VAMP4: variants seen among roughly 807,000 people sequenced by gnomAD.
VAMP4 encodes vesicle-associated membrane protein 4.
In VAMP4, 19 loss-of-function variants were observed where a neutral mutation model predicts 23.5. The observed-to-expected ratio is 0.81, with a 90% CI of 0.56 to 1.19. The LOEUF (loss-of-function observed/expected upper bound fraction) is 1.19. VAMP4 is among the 50% of genes most tolerant of loss of function. The probability of loss-of-function intolerance (pLI) is 0.00; values close to 1 mark genes in which losing one functional copy is unlikely to be tolerated. For missense variants in VAMP4, 145 were observed against 168.6 expected, an observed-to-expected ratio of 0.86 and a Z score of 0.78; for synonymous variants, 31 against 51.0, an observed-to-expected ratio of 0.61 and a Z score of 1.67.
At chr1:171,714,849 AT>A (rs1205233327) in intron 4 of VAMP4, among the ~76,000 whole-genome samples, 1 of 152,190 alleles carries the variant, frequency 6.6e-6, no homozygotes, top group African/African-American at 2.4e-5. Context: ...TAGAAAGATT[AT>A]ACTCCAGTAG....
intron 4 of VAMP4, among the ~76,000 whole-genome samples, chr1:171,716,006 A>G (rs1655014401): frequency 1.3e-5 from 2 of 152,178 alleles, no homozygotes; most frequent in African/African-American, 4.8e-5. Context: ...GTTTCAAAAA[A>G]CAAACAAAGC....
At chr1:171,708,337 CA>C (rs200077955) in intron 6 of VAMP4, among the ~76,000 whole-genome samples, 15,511 of 87,472 alleles carry the variant, frequency 0.18, 840 homozygotes, top group African/African-American at 0.27. Context: ...AAGAGTGCCA[CA>C]AAAAAAAAAA....
chr1:171,724,763 G>T (rs1572249285), intron 3 of VAMP4, among the ~76,000 whole-genome samples: 1 of 152,014 alleles, frequency 6.6e-6, no homozygotes, highest in Non-Finnish European at 1.5e-5. Context: ...ATAGCCAAAA[G>T]AACTTTCAAA....
chr1:171,707,749 G>T (rs1214042506), intron 6 of VAMP4, among the ~76,000 whole-genome samples: 1 of 152,028 alleles, frequency 6.6e-6, no homozygotes, highest in African/African-American at 2.4e-5. Flanking sequence ...AGGTTCTCAA[G>T]GTGATGACTA....
intron 4 of VAMP4, among the ~76,000 whole-genome samples, chr1:171,717,001 T>C (rs1655040503): frequency 6.6e-6 from 1 of 152,264 alleles, no homozygotes; most frequent in South Asian, 2.1e-4. Flanking sequence ...AATAGTGTAA[T>C]ACATAAATAT....
intron 3 of VAMP4, among the ~76,000 whole-genome samples, chr1:171,724,243 T>C (rs1320336212): frequency 6.7e-6 from 1 of 148,558 alleles, no homozygotes; most frequent in Non-Finnish European, 1.5e-5. Flanking sequence ...AAACACCGCA[T>C]GTTCTCACTC....
chr1:171,736,814 G>A (rs921954866), intron 2 of VAMP4, among the ~76,000 whole-genome samples: 3 of 151,868 alleles, frequency 2.0e-5, no homozygotes, highest in African/African-American at 4.8e-5. Flanking sequence ...CCATCTTTAC[G>A]AGAAAAACAA....
intron 2 of VAMP4, among the ~76,000 whole-genome samples, chr1:171,735,166 C>T (rs950534703): frequency 2.6e-5 from 4 of 152,164 alleles, no homozygotes; most frequent in African/African-American, 9.7e-5. Flanking sequence ...GTGTCCTTAA[C>T]AGTGATTCCA....
intron 3 of VAMP4, 51 bp from the exon 4 acceptor site, chr1:171,719,272 A>G: frequency 6.8e-7 from 1 of 1,462,914 alleles, no homozygotes; most frequent in Non-Finnish European, 9.4e-7. Flanking sequence ...GGATTAAAAC[A>G]AAACAAAAAA....
At chr1:171,722,542 C>T (rs1275194234) in intron 3 of VAMP4, among the ~76,000 whole-genome samples, 1 of 152,042 alleles carries the variant, frequency 6.6e-6, no homozygotes, top group Admixed American at 6.6e-5. Flanking sequence ...CTACAAAGAA[C>T]GTAAAGAAAT....
chr1:171,713,263 G>C (rs1015177045), intron 4 of VAMP4, among the ~76,000 whole-genome samples: 11 of 149,670 alleles, frequency 7.3e-5, no homozygotes, highest in African/African-American at 2.7e-4. Context: ...TGTTCATCAA[G>C]GATCAATTTT....
chr1:171,722,205 T>C (rs1034744487), intron 3 of VAMP4, among the ~76,000 whole-genome samples: 8 of 152,096 alleles, frequency 5.3e-5, no homozygotes, highest in African/African-American at 1.9e-4. Flanking sequence ...TAGCCATATG[T>C]AGAAAGCTGA....
intron 4 of VAMP4, among the ~76,000 whole-genome samples, chr1:171,712,746 G>C (rs887653144): frequency 1.3e-5 from 2 of 152,136 alleles, no homozygotes; most frequent in African/African-American, 4.8e-5. Context: ...TCCTATTTAA[G>C]AACAATGGCA....
chr1:171,706,696 G>A (rs1227934032), intron 6 of VAMP4, among the ~76,000 whole-genome samples: 1 of 152,096 alleles, frequency 6.6e-6, no homozygotes. Context: ...GAAAAAAAGT[G>A]CTATAAACTG....
At chr1:171,727,966 G>A (rs1035239899) in intron 3 of VAMP4, among the ~76,000 whole-genome samples, 2 of 152,178 alleles carry the variant, frequency 1.3e-5, no homozygotes, top group African/African-American at 2.4e-5. Context: ...CTTGCAGGGC[G>A]ACAGATGGTT....
intron 2 of VAMP4, among the ~76,000 whole-genome samples, chr1:171,733,634 G>A (rs897557828): frequency 3.3e-5 from 5 of 152,036 alleles, no homozygotes; most frequent in African/African-American, 4.8e-5. Flanking sequence ...AAGAATAATA[G>A]GACACAATGA....
chr1:171,709,890 AC>A, intron 5 of VAMP4, 146 bp from the exon 6 acceptor site: 1 of 614,056 alleles, frequency 1.6e-6, no homozygotes, highest in Non-Finnish European at 2.8e-6. Flanking sequence ...CCTTTTTTCC[AC>A]CCACAAACTC....
At chr1:171,714,341 C>CTA (rs1214923341) in intron 4 of VAMP4, among the ~76,000 whole-genome samples, 1 of 152,206 alleles carries the variant, frequency 6.6e-6, no homozygotes, top group African/African-American at 2.4e-5. Context: ...CATTGTTATA[C>CTA]TATAAATGCC....
intron 2 of VAMP4, among the ~76,000 whole-genome samples, chr1:171,732,758 T>C (rs1237239342): frequency 6.6e-6 from 1 of 152,080 alleles, no homozygotes; most frequent in African/African-American, 2.4e-5. Flanking sequence ...ACTCTTAAGA[T>C]GGGTAAGTTA....
Sources: gnomAD v4.1 joint callset for allele counts (sites outside exome capture counted in the v4.1 genomes callset) on GRCh38, gnomAD v4.1.1 for gene constraint, MANE v1.5 for transcripts, NCBI Gene and HGNC (gene_info 2026-07-23, HGNC 2026-07-21) for gene names.